CPEB3: variants seen among roughly 807,000 people sequenced by gnomAD.
CPEB3 encodes cytoplasmic polyadenylation element-binding protein 3.
CPEB3 carries 20 observed loss-of-function variants against 67.2 expected under a neutral mutation model. The observed-to-expected ratio is 0.30, with a 90% CI of 0.21 to 0.43. The LOEUF (loss-of-function observed/expected upper bound fraction) is 0.43, where lower values mean the gene tolerates loss of function less well. Ranked by LOEUF, CPEB3 falls within the 20% of genes least tolerant of loss-of-function variation. The pLI is 1.00. For synonymous variants in CPEB3, 376 were observed against 393.1 expected (o/e 0.96, Z 0.51); for missense variants, 746 against 968.6 (o/e 0.77, Z 3.05).
chr10:92,200,298 A>T (rs1329682560), intron 2 of CPEB3, among the ~76,000 whole-genome samples: 1 of 152,010 alleles, frequency 6.6e-6, no homozygotes, highest in Non-Finnish European at 1.5e-5. Flanking sequence ...TAATCCCAGC[A>T]CTTTGGGAGG....
chr10:92,101,491 T>C (rs1472691481), intron 7 of CPEB3, among the ~76,000 whole-genome samples: 1 of 152,138 alleles, frequency 6.6e-6, no homozygotes, highest in Non-Finnish European at 1.5e-5. Flanking sequence ...TCTGCTGACA[T>C]ACAGCTGCAA....
rs1168608755 is a variant in CPEB3 at position 92,111,232 on chromosome 10, C to G, written c.1454-38G>C. On this transcript the variant is annotated intron_variant, in intron 6 of 9. Transcript: ENST00000265997. The stretch of plus-strand genomic sequence containing the variant: ...AAAAACAAAAGGGTAGAGGAAGAAT[C>G]AGTACATTAAACTCAAAGTACCAAT... 6.9e-6 allele frequency: 9 copies of G among 1,296,332 alleles called. No individual in the cohort carries two copies. In the South Asian group the frequency reaches 1.1e-4, roughly 15 times the overall value. 80.3% of individuals were successfully genotyped at this position (1,296,332 alleles called of 1,614,324 possible).
chr10:92,242,410 T>C (rs1232441821), intron 1 of CPEB3, among the ~76,000 whole-genome samples: 3 of 152,190 alleles, frequency 2.0e-5, no homozygotes, highest in Non-Finnish European at 4.4e-5. Flanking sequence ...AAGAGGCAAA[T>C]GAAGCTTTGA....
intron 1 of CPEB3, among the ~76,000 whole-genome samples, chr10:92,256,245 A>C (rs1464191408): frequency 6.6e-6 from 1 of 151,786 alleles, no homozygotes; most frequent in Non-Finnish European, 1.5e-5. Flanking sequence ...GTGATCTCCT[A>C]ATGTCTCTCA....
chr10:92,124,210 A>G (rs900401793), intron 6 of CPEB3, among the ~76,000 whole-genome samples: 1 of 152,204 alleles, frequency 6.6e-6, no homozygotes, highest in African/African-American at 2.4e-5. Context: ...GGTGACCTTG[A>G]ACAAGATGTT....
In CPEB3 at chr10:92,273,824, A is replaced by T. The variant is rs189979587; in HGVS notation, c.-12+17102T>A. Among the ~76,000 whole-genome samples the T allele has an allele frequency of 1.5e-3, 230 of 152,268 alleles. 1 individual carries two copies. Among genetic ancestry groups the T allele is most frequent in the Non-Finnish European group, 2.9e-3 (196 of 68,018 alleles). ...TTCTGGTCCCAAGCAGTCATTCAGG[A>T]AAGGCTGACACTTTTCCTTGCTCTT... On this transcript the variant is annotated intron_variant, in intron 1 of 9. Transcript: ENST00000265997.
intron 6 of CPEB3, among the ~76,000 whole-genome samples, chr10:92,141,078 C>T: frequency 1.8e-5 from 1 of 55,162 alleles, no homozygotes; most frequent in Non-Finnish European, 3.5e-5. Flanking sequence ...TGTGGCGATT[C>T]CTCAGGGATC....
chr10:92,065,964 G>C (rs557008443), intron 9 of CPEB3, among the ~76,000 whole-genome samples: 1 of 152,158 alleles, frequency 6.6e-6, no homozygotes, highest in East Asian at 1.9e-4. Context: ...AGGCGTGGTG[G>C]TGCACTCCTG....
At chr10:92,131,188 CAGG>C (rs1373878483) in intron 6 of CPEB3, among the ~76,000 whole-genome samples, 3 of 152,150 alleles carry the variant, frequency 2.0e-5, no homozygotes, top group Non-Finnish European at 2.9e-5. Flanking sequence ...GGACCAGAAT[CAGG>C]AGATTAGATT....
chr10:92,262,499 T>C (rs970042475), intron 1 of CPEB3, among the ~76,000 whole-genome samples: 4 of 152,166 alleles, frequency 2.6e-5, no homozygotes, highest in Non-Finnish European at 4.4e-5. Flanking sequence ...TCCTGGGTTA[T>C]AATGTTGGCA....
chr10:92,272,547 C>A (rs192876890), intron 1 of CPEB3, among the ~76,000 whole-genome samples: 5 of 152,120 alleles, frequency 3.3e-5, no homozygotes, highest in African/African-American at 1.2e-4. Context: ...ATCTTCAATT[C>A]TAATCCAACA....
chr10:92,075,165 T>C (rs1842888620), intron 9 of CPEB3, among the ~76,000 whole-genome samples: 1 of 152,066 alleles, frequency 6.6e-6, no homozygotes, highest in African/African-American at 2.4e-5. Flanking sequence ...TTTATCAACT[T>C]ACTCCAACAA....
intron 4 of CPEB3, among the ~76,000 whole-genome samples, chr10:92,159,247 A>G (rs1462544658): frequency 1.3e-5 from 2 of 152,098 alleles, no homozygotes; most frequent in Non-Finnish European, 2.9e-5. Flanking sequence ...TGGGCGACAG[A>G]GCAAGACTCT....
At chr10:92,262,659 C>A (rs1241614273) in intron 1 of CPEB3, among the ~76,000 whole-genome samples, 1 of 151,904 alleles carries the variant, frequency 6.6e-6, no homozygotes, top group East Asian at 1.9e-4. Context: ...CCAGCCTGGG[C>A]AACATACAGA....
intron 7 of CPEB3, among the ~76,000 whole-genome samples, chr10:92,109,534 G>A (rs968694946): frequency 6.6e-6 from 1 of 152,112 alleles, no homozygotes; most frequent in African/African-American, 2.4e-5. Flanking sequence ...TTACAGGCGT[G>A]AGCTACTGTA....
intron 2 of CPEB3, among the ~76,000 whole-genome samples, chr10:92,195,840 A>C (rs1007913072): frequency 3.9e-5 from 6 of 152,230 alleles, no homozygotes; most frequent in African/African-American, 1.4e-4. Context: ...CTCAATGCCA[A>C]AACCTAAGGA....
At chr10:92,285,908 C>T (rs1185024046) in intron 1 of CPEB3, among the ~76,000 whole-genome samples, 8 of 151,790 alleles carry the variant, frequency 5.3e-5, no homozygotes, top group Non-Finnish European at 1.5e-5. Flanking sequence ...TATCATTATA[C>T]AATATTTCAT....
At chr10:92,118,648 A>C (rs1845160979) in intron 6 of CPEB3, 2 of 600,804 alleles carry the variant, frequency 3.3e-6, no homozygotes, top group Admixed American at 4.5e-5. Flanking sequence ...TGAATGTGGA[A>C]CCCAAGATGG....
chr10:92,158,471 C>G (rs533345491), intron 4 of CPEB3, among the ~76,000 whole-genome samples: 1 of 152,208 alleles, frequency 6.6e-6, no homozygotes, highest in African/African-American at 2.4e-5. Flanking sequence ...AAAACTGTAC[C>G]ATGCGGTGGT....
Sources: gnomAD v4.1 joint callset for allele counts (sites outside exome capture counted in the v4.1 genomes callset) on GRCh38, gnomAD v4.1.1 for gene constraint, MANE v1.5 for transcripts, NCBI Gene and HGNC (gene_info 2026-07-23, HGNC 2026-07-21) for gene names.